CDH23: variants seen among roughly 807,000 people sequenced by gnomAD.
CDH23 encodes the protein cadherin related 23, also known as cadherin-23.
CDH23 carries 189 observed loss-of-function variants against 317.1 expected under a neutral mutation model. That is an observed-to-expected ratio of 0.60 (90% CI 0.53 to 0.67). The LOEUF (loss-of-function observed/expected upper bound fraction) is 0.67, where lower values mean the gene tolerates loss of function less well. Ranked by LOEUF, CDH23 falls within the 30% of genes least tolerant of loss-of-function variation. The probability of loss-of-function intolerance (pLI) is 0.00; values close to 1 mark genes in which losing one functional copy is unlikely to be tolerated. For synonymous variants in CDH23, 1,839 were observed against 1,876.8 expected (o/e 0.98, Z 0.52); for missense variants, 4,401 against 4,592.4 (o/e 0.96, Z 1.20).
chr10:71,802,991 A>C lies in CDH23; in HGVS notation c.7576A>C (p.Thr2526Pro). Residue 2526 changes from threonine to proline, a missense_variant, in exon 54 of 70, where the codon ACC (threonine) becomes CCC (proline). Physicochemically the swap from Thr to Pro is conservative, Grantham distance 38 (BLOSUM62 -1). Transcript: ENST00000224721. ...TSVYENEPAG[T>P]SVITMMATDQ... is the part of the protein sequence containing the mutation. ...CGTGTATGAGAATGAGCCGGCGGGC[A>C]CCTCGGTCATCACCATGATGGCCAC... The C allele has an allele frequency of 6.2e-7, 1 of 1,613,862 alleles. No homozygotes were observed. Among genetic ancestry groups the C allele is most frequent in the African/African-American group, 1.3e-5 (1 of 74,992 alleles).
chr10:71,555,726 T>G (rs1190031002), intron 6 of CDH23, among the ~76,000 whole-genome samples: 2 of 152,060 alleles, frequency 1.3e-5, no homozygotes, highest in African/African-American at 4.8e-5. Context: ...GCCTTGGAGC[T>G]CCTTAGTCTC....
intron 68 of CDH23, among the ~76,000 whole-genome samples, 163 bp downstream of exon 68, chr10:71,813,053 T>TA (rs1841996244): frequency 6.6e-6 from 1 of 152,120 alleles, no homozygotes; most frequent in Non-Finnish European, 1.5e-5. Flanking sequence ...GCGGTGGCCT[T>TA]AAGGGCAGGG....
chr10:71,759,846 C>CACACACACACACACATATATAT (rs776230069), intron 38 of CDH23, among the ~76,000 whole-genome samples: 1 of 59,932 alleles, frequency 1.7e-5, no homozygotes. Flanking sequence ...CACACACACA[C>CACACACACACACACATATATAT]ATATACACAC....
At chr10:71,548,574 C>T (rs1215495745) in intron 6 of CDH23, among the ~76,000 whole-genome samples, 1 of 152,200 alleles carries the variant, frequency 6.6e-6, no homozygotes, top group Admixed American at 6.5e-5. Flanking sequence ...TGTGCATGTG[C>T]AGCCTCCCTG....
At chr10:71,481,416 G>C (rs949722846) in intron 3 of CDH23, among the ~76,000 whole-genome samples, 1 of 152,152 alleles carries the variant, frequency 6.6e-6, no homozygotes. Flanking sequence ...GTGTGATGGT[G>C]GGGGGAAAGG....
chr10:71,552,463 G>A (rs374745019), intron 6 of CDH23, among the ~76,000 whole-genome samples: 28 of 152,334 alleles, frequency 1.8e-4, no homozygotes, highest in East Asian at 1.5e-3. Context: ...GCCGTGGGGC[G>A]TTTTAACCTG....
At position 71,777,951 on chromosome 10, in the gene CDH23, A is replaced by G. The variant is rs772677364; in HGVS notation, c.5067+50A>G. On this transcript the variant is annotated intron_variant, in intron 39 of 69. Coordinates refer to ENST00000224721, the MANE Select transcript of CDH23 (RefSeq NM_022124.6). ...GACAAGGGGCGAAACCTATCCAGGGATTGGCAAGGAGTTCAGTGACACTGG... is the reference window on the plus strand; with the variant it reads ...GACAAGGGGCGAAACCTATCCAGGGGTTGGCAAGGAGTTCAGTGACACTGG... The G allele has an allele frequency of 5.0e-6, 8 of 1,592,914 alleles. No individual in the cohort carries two copies. In the Admixed American group the frequency reaches 6.8e-5, roughly 13 times the overall value.
chr10:71,642,543 C>T lies in CDH23; in HGVS notation c.1135-1318C>T, dbSNP rs1012429194. The stretch of plus-strand genomic sequence containing the variant: ...CCTCCCGAGTAGCTGGGATTACAGG[C>T]GTGCATCAACATGCCCAGCTAATTT... On this transcript the variant is annotated intron_variant, in intron 11 of 69. Transcript: ENST00000224721. 3.3e-5 allele frequency among the ~76,000 whole-genome samples: 5 copies of T among 152,078 alleles called. No homozygotes were observed. In the South Asian group the frequency reaches 8.3e-4, roughly 25 times the overall value.
chr10:71,812,423 G>T, intron 66 of CDH23, 57 bp from the exon 67 acceptor site: 1 of 1,610,496 alleles, frequency 6.2e-7, no homozygotes, highest in Non-Finnish European at 8.5e-7. Flanking sequence ...GGCTGGAAGG[G>T]CACCTGTCTA....
intron 20 of CDH23, among the ~76,000 whole-genome samples, chr10:71,693,843 G>C (rs1203763406): frequency 6.6e-6 from 1 of 152,134 alleles, no homozygotes; most frequent in Admixed American, 6.5e-5. Context: ...TGGCCCTCCT[G>C]CCCTGTTCTC....
At chr10:71,520,676 G>A (rs960023740) in intron 6 of CDH23, among the ~76,000 whole-genome samples, 18 of 152,358 alleles carry the variant, frequency 1.2e-4, no homozygotes, top group Admixed American at 1.0e-3. Flanking sequence ...GGCCCGGACT[G>A]CCTTCTTGAT....
At chr10:71,623,060 G>C (rs1458270492) in intron 11 of CDH23, 2 of 572,304 alleles carry the variant, frequency 3.5e-6, no homozygotes, top group African/African-American at 4.1e-5. Flanking sequence ...GCTAGGTCCT[G>C]GGGGGACTGA....
In CDH23 at chr10:71,491,178, G is replaced by A. The variant is rs115286496; in HGVS notation, c.146-18904G>A. ...TCACAGATTGAGATTGATTGGTGGA[G>A]GTCTGCCCTGAGACCCTCCTTCCAC... is the stretch of plus-strand genomic sequence containing the variant. On this transcript the variant is annotated intron_variant, in intron 3 of 69. Transcript: ENST00000224721. 3.3e-3 allele frequency among the ~76,000 whole-genome samples: 502 copies of A among 152,290 alleles called. 2 individuals carry two copies. Among genetic ancestry groups the A allele is most frequent in the African/African-American group, 0.012 (490 of 41,546 alleles).
intron 38 of CDH23, chr10:71,761,483 G>A: frequency 1.6e-6 from 2 of 1,229,164 alleles, no homozygotes; most frequent in Non-Finnish European, 2.2e-6. Context: ...TCCCTGGAGT[G>A]CCAGTGTTAC....
intron 36 of CDH23, among the ~76,000 whole-genome samples, chr10:71,740,376 A>C (rs1564769121): frequency 6.6e-6 from 1 of 152,196 alleles, no homozygotes; most frequent in Non-Finnish European, 1.5e-5. Context: ...ATTGCTTATA[A>C]TATTACTTGA....
rs185724737 is a variant in CDH23 at position 71,696,612 on chromosome 10, C to A, written c.2397+1087C>A. Among the ~76,000 whole-genome samples the A allele has an allele frequency of 1.6e-4, 25 of 152,362 alleles. 3 individuals carry two copies. Among genetic ancestry groups the A allele is most frequent in the African/African-American group, 6.0e-4 (25 of 41,580 alleles). ...ACCCACACACCAGCTGACAGCCAGT[C>A]AGTGAACAATGTGGAAAGGAAGATA... On this transcript the variant is annotated intron_variant, in intron 22 of 69. Transcript: ENST00000224721.
intron 9 of CDH23, among the ~76,000 whole-genome samples, chr10:71,609,995 T>TGTGG (rs3222215): frequency 7.1e-6 from 1 of 140,822 alleles, no homozygotes; most frequent in Non-Finnish European, 1.6e-5. Flanking sequence ...TGTGTGTGTG[T>TGTGG]GAGAGAGACA....
chr10:71,798,189 G>A (rs368308152), intron 49 of CDH23, among the ~76,000 whole-genome samples, 165 bp from the exon 50 acceptor site: 2 of 151,964 alleles, frequency 1.3e-5, no homozygotes, highest in Admixed American at 1.3e-4. Flanking sequence ...CACACCACTG[G>A]AAAGCCTCCT....
chr10:71,728,450 G>T (rs993825883), intron 30 of CDH23, among the ~76,000 whole-genome samples: 16 of 152,070 alleles, frequency 1.1e-4, no homozygotes, highest in African/African-American at 3.6e-4. Context: ...GTCCTCCACT[G>T]GTCAGGCTGC....
Sources: gnomAD v4.1 joint callset for allele counts (sites outside exome capture counted in the v4.1 genomes callset) on GRCh38, gnomAD v4.1.1 for gene constraint, MANE v1.5 for transcripts, NCBI Gene and HGNC (gene_info 2026-07-23, HGNC 2026-07-21) for gene names.